Variants in GRTP1 observed in about 807,000 individuals in gnomAD.
GRTP1 encodes growth hormone regulated TBC protein 1, also known as growth hormone-regulated TBC protein 1.
A neutral mutation model predicts 38.1 loss-of-function variants in GRTP1; 56 were observed. The ratio of observed to expected loss-of-function variants is 1.47; its 90% confidence interval spans 1.19 to 1.84. GRTP1 has a LOEUF of 1.84. Among genes scored for constraint, GRTP1 ranks in the 40% most tolerant of loss-of-function variants. The probability of loss-of-function intolerance (pLI) is 0.00; values close to 1 mark genes in which losing one functional copy is unlikely to be tolerated. For synonymous variants in GRTP1, 217 were observed against 189.5 expected, an observed-to-expected ratio of 1.14 and a Z score of -1.19; for missense variants, 506 against 453.9, an observed-to-expected ratio of 1.11 and a Z score of -1.04.
At chr13:113,345,256 ACT>A (rs1410802471) in intron 4 of GRTP1, among the ~76,000 whole-genome samples, 1 of 152,274 alleles carries the variant, frequency 6.6e-6, no homozygotes, top group African/African-American at 2.4e-5. Context: ...AAAGAACATA[ACT>A]TACCATTGCT....
intron 5 of GRTP1, among the ~76,000 whole-genome samples, chr13:113,329,311 C>T (rs1172099562): frequency 6.6e-6 from 1 of 152,176 alleles, no homozygotes; most frequent in Non-Finnish European, 1.5e-5. Flanking sequence ...GGTGCAGTGG[C>T]TCACACCTGT....
At chr13:113,332,591 C>T (rs1343007922) in intron 5 of GRTP1, among the ~76,000 whole-genome samples, 1 of 152,252 alleles carries the variant, frequency 6.6e-6, no homozygotes, top group African/African-American at 2.4e-5. Context: ...CCTCCCAGTT[C>T]CCAGATCCCA....
At chr13:113,351,043 C>G in intron 3 of GRTP1, 70 bp from the exon 4 acceptor site, 1 of 1,597,626 alleles carries the variant, frequency 6.3e-7, no homozygotes, top group East Asian at 2.3e-5. Context: ...CCAGCTGCCC[C>G]GAGGGTGGCC....
chr13:113,341,078 ACT>A (rs1471552744), intron 5 of GRTP1, among the ~76,000 whole-genome samples: 1 of 146,188 alleles, frequency 6.8e-6, no homozygotes, highest in African/African-American at 2.5e-5. Context: ...TAAGAGTCTC[ACT>A]CTGTCGCCCA....
chr13:113,335,729 A>G (rs7319823), intron 5 of GRTP1, among the ~76,000 whole-genome samples: 148,485 of 151,992 alleles, frequency 0.98, 72,622 homozygotes, highest in East Asian at 1. Context: ...CTGTCTCTGC[A>G]CCCGGCTTAT....
At chr13:113,333,970 G>T (rs2042917402) in intron 5 of GRTP1, among the ~76,000 whole-genome samples, 1 of 151,676 alleles carries the variant, frequency 6.6e-6, no homozygotes, top group South Asian at 2.1e-4. Flanking sequence ...GAGTAGCTGG[G>T]ATTATAGGTG....
At chr13:113,326,759 A>G (rs1376236796) in intron 5 of GRTP1, among the ~76,000 whole-genome samples, 1 of 152,218 alleles carries the variant, frequency 6.6e-6, no homozygotes, top group African/African-American at 2.4e-5. Flanking sequence ...AACTATTTAC[A>G]ACAGCCAAGA....
chr13:113,328,874 C>T (rs1334143678), intron 5 of GRTP1, among the ~76,000 whole-genome samples: 3 of 152,016 alleles, frequency 2.0e-5, no homozygotes, highest in African/African-American at 7.2e-5. Context: ...TCAAACCTTA[C>T]AAAGCAGCCT....
rs569502151 is a variant in GRTP1 at position 113,355,146 on chromosome 13, A to AT, written c.340+176dup. On this transcript the variant is annotated intron_variant, in intron 3 of 7. Coordinates refer to ENST00000375431, the MANE Select transcript of GRTP1 (RefSeq NM_024719.4). The stretch of plus-strand genomic sequence containing the variant: ...AATATCTGCTGAGTGAATTACGATC[A>AT]TTGTTCTCCCCTTGCAAAGGCTTCA... 5.8e-4 allele frequency: 363 copies of AT among 629,736 alleles called. 4 individuals are homozygous for AT. The South Asian group carries it at 8.1e-3, about 14-fold the overall frequency. 39.0% of individuals were successfully genotyped at this position (629,736 alleles called of 1,614,324 possible). A position where few individuals can be genotyped will look rare whatever the true frequency, so the allele number is the denominator to read the frequency against.
chr13:113,358,597 CT>C (rs1688122319), intron 2 of GRTP1, among the ~76,000 whole-genome samples: 1 of 151,860 alleles, frequency 6.6e-6, no homozygotes, highest in South Asian at 2.1e-4. Flanking sequence ...CAACGTGGTA[CT>C]GAAAAAAAGG....
chr13:113,341,404 C>T (rs111833776), intron 5 of GRTP1, among the ~76,000 whole-genome samples: 8 of 152,030 alleles, frequency 5.3e-5, no homozygotes, highest in East Asian at 1.9e-4. Flanking sequence ...GTAGCTGGGA[C>T]TACAGGCACC....
intron 5 of GRTP1, among the ~76,000 whole-genome samples, chr13:113,338,099 C>T (rs2042978726): frequency 1.3e-5 from 2 of 152,224 alleles, no homozygotes. Context: ...GACAGGGCCC[C>T]CTCCACCCTC....
At chr13:113,363,119 T>A (rs552632442) in intron 2 of GRTP1, among the ~76,000 whole-genome samples, 1 of 152,274 alleles carries the variant, frequency 6.6e-6, no homozygotes, top group African/African-American at 2.4e-5. Context: ...GCCCTGCAGC[T>A]AACCCCGAGG....
intron 5 of GRTP1, among the ~76,000 whole-genome samples, chr13:113,329,002 G>A (rs1185650560): frequency 1.3e-5 from 2 of 152,268 alleles, no homozygotes; most frequent in East Asian, 1.9e-4. Flanking sequence ...GAAGCCTGAA[G>A]GTAGCAGGCT....
chr13:113,348,232 G>A lies in GRTP1; in HGVS notation c.465+2617C>T, dbSNP rs535623490. On this transcript the variant is annotated intron_variant, in intron 4 of 7. Transcript: ENST00000375431. This position sits in a 1 kb window ranked among gnomAD's most constrained non-coding sequence, Gnocchi z 4.8. ...TGTGAGAGGTAGAGGCAGGAGGATC[G>A]CCTGAGCTCAGGAGTTCAAGACCAG... 2.2e-4 allele frequency among the ~76,000 whole-genome samples: 34 copies of A among 152,228 alleles called. 1 individual carries two copies. In the East Asian group the frequency reaches 6.0e-3, roughly 27 times the overall value.
At chr13:113,327,562 A>G (rs748681346) in intron 5 of GRTP1, among the ~76,000 whole-genome samples, 6 of 152,140 alleles carry the variant, frequency 3.9e-5, no homozygotes, top group Non-Finnish European at 8.8e-5. Context: ...TGCTTTTCAG[A>G]GTGAGCACAC....
chr13:113,329,202 C>G (rs547620999), intron 5 of GRTP1, among the ~76,000 whole-genome samples: 1 of 152,286 alleles, frequency 6.6e-6, no homozygotes, highest in South Asian at 2.1e-4. Context: ...TTCTTCCTCC[C>G]TGGCCACCGA....
chr13:113,343,084 T>C lies in GRTP1; in HGVS notation c.562+1779A>G, dbSNP rs1566425862. The stretch of plus-strand genomic sequence containing the variant: ...CCCCTGAACGGCGCCCAGAACACGA[T>C]AGGTTTTCAACAATATGTGGTGAAA... On this transcript the variant is annotated intron_variant, in intron 5 of 7. Transcript: ENST00000375431. The surrounding 1 kb of genome is among the most constrained non-coding windows in gnomAD (Gnocchi z 4.8). Among the ~76,000 whole-genome samples, 1 of 151,976 alleles carries C rather than the reference T, an allele frequency of 6.6e-6. No individual in the cohort carries two copies. The highest frequency in any genetic ancestry group is 2.4e-5 in the African/African-American group (1 of 41,370).
chr13:113,352,313 T>A (rs1254784207), intron 3 of GRTP1, among the ~76,000 whole-genome samples: 3 of 30,856 alleles, frequency 9.7e-5, no homozygotes, highest in Non-Finnish European at 1.4e-4. Flanking sequence ...TTATATATAT[T>A]TTATATATAT....
Sources: gnomAD v4.1 joint callset for allele counts (sites outside exome capture counted in the v4.1 genomes callset) on GRCh38, gnomAD v4.1.1 for gene constraint, Gnocchi (gnomAD v3.1) non-coding constraint, MANE v1.5 for transcripts, NCBI Gene and HGNC (gene_info 2026-07-23, HGNC 2026-07-21) for gene names.